The following ARHGEF4 variants were observed in gnomAD, a reference collection of about 807,000 sequenced individuals.
ARHGEF4 encodes Rho guanine nucleotide exchange factor 4, also known as APC-stimulated guanine nucleotide exchange factor 1.
In ARHGEF4, 119 loss-of-function variants were observed where a neutral mutation model predicts 162.0. That is an observed-to-expected ratio of 0.73 (90% CI 0.63 to 0.86). The LOEUF is 0.86. ARHGEF4 is among the 40% of genes least tolerant of loss of function. The pLI, the probability that ARHGEF4 is intolerant of heterozygous loss-of-function variation, is 0.00. For missense variants in ARHGEF4, 2,488 were observed against 2,456.0 expected, an observed-to-expected ratio of 1.01 and a Z score of -0.28; for synonymous variants, 1,014 against 979.9, an observed-to-expected ratio of 1.03 and a Z score of -0.65.
intron 10 of ARHGEF4, 43 bp downstream of exon 10, chr2:131,041,987 C>T (rs762334618): frequency 6.3e-7 from 1 of 1,593,170 alleles, no homozygotes; most frequent in Non-Finnish European, 8.6e-7. Flanking sequence ...GGTCTTGGCC[C>T]CTCGCTTTAA....
intron 4 of ARHGEF4, among the ~76,000 whole-genome samples, chr2:130,992,253 A>C (rs977220090): frequency 6.6e-6 from 1 of 152,312 alleles, no homozygotes; most frequent in South Asian, 2.1e-4. Context: ...AGAGAATAAA[A>C]GCAGGCTGCC....
intron 4 of ARHGEF4, among the ~76,000 whole-genome samples, chr2:130,990,744 C>G (rs1272169776): frequency 1.3e-5 from 2 of 152,058 alleles, no homozygotes; most frequent in Admixed American, 1.3e-4. Flanking sequence ...CCATGCAAGG[C>G]TTAGCGATGG....
rs186049238 is a variant in ARHGEF4, at chr2:130,939,249, T to C, written c.3859-7260T>C. Among the ~76,000 whole-genome samples, 9 of 152,384 alleles carry C rather than the reference T, an allele frequency of 5.9e-5. No individual in the cohort carries two copies. In the East Asian group the frequency reaches 1.3e-3, roughly 23 times the overall value. On this transcript the variant is annotated intron_variant, in intron 3 of 13. Coordinates refer to ENST00000409359, the MANE Select transcript of ARHGEF4 (RefSeq NM_001367493.1). ...AAGGAAATGATCTCATTCTTTCTTATGGCTGCATAAGTTGTGGGATTTAGG... is the reference window on the plus strand; with the variant it reads ...AAGGAAATGATCTCATTCTTTCTTACGGCTGCATAAGTTGTGGGATTTAGG...
chr2:131,042,711 T>G (rs1690912273), intron 10 of ARHGEF4, among the ~76,000 whole-genome samples: 1 of 152,178 alleles, frequency 6.6e-6, no homozygotes. Flanking sequence ...TAGGGGCAGT[T>G]GTGAGGCCCA....
intron 4 of ARHGEF4, among the ~76,000 whole-genome samples, chr2:130,992,571 C>G (rs184774382): frequency 9.2e-5 from 14 of 151,998 alleles, no homozygotes; most frequent in Non-Finnish European, 1.5e-4. Flanking sequence ...GAAGAAACTC[C>G]GAACCTATCC....
At chr2:131,043,340 G>A in intron 10 of ARHGEF4, 112 bp from the exon 11 acceptor site, 1 of 1,444,408 alleles carries the variant, frequency 6.9e-7, no homozygotes, top group Non-Finnish European at 9.5e-7. Context: ...TGGCCAGGTG[G>A]GCGCTGCAGG....
At chr2:130,869,640 A>T (rs1678323293) in intron 1 of ARHGEF4, among the ~76,000 whole-genome samples, 1 of 152,218 alleles carries the variant, frequency 6.6e-6, no homozygotes, top group Non-Finnish European at 1.5e-5. Flanking sequence ...TGACCTCTGC[A>T]GTTAGAGAGA....
chr2:130,990,834 A>C (rs1334309342), intron 4 of ARHGEF4, among the ~76,000 whole-genome samples: 1 of 151,994 alleles, frequency 6.6e-6, no homozygotes, highest in Non-Finnish European at 1.5e-5. Context: ...AATTCTTACT[A>C]TCTTTGAATT....
chr2:130,910,714 C>T (rs895631616), intron 1 of ARHGEF4, among the ~76,000 whole-genome samples: 1 of 152,130 alleles, frequency 6.6e-6, no homozygotes, highest in African/African-American at 2.4e-5. Context: ...GGGACATCTC[C>T]AAAGTAGGAC....
rs141575555 is a variant in ARHGEF4, at chr2:130,942,846, A to T, written c.3859-3663A>T. 7.5e-4 allele frequency among the ~76,000 whole-genome samples: 114 copies of T among 152,290 alleles called. No individual in the cohort carries two copies. In the East Asian group the frequency reaches 0.017, roughly 23 times the overall value. On this transcript the variant is annotated intron_variant, in intron 3 of 13. Transcript: ENST00000409359. ...CAAACTTTTTTAAAATTTCATTATT[A>T]TGATTATCACCAAGGATATAGCCTC...
intron 1 of ARHGEF4, among the ~76,000 whole-genome samples, chr2:130,898,130 C>T (rs1680268248): frequency 6.6e-6 from 1 of 152,242 alleles, no homozygotes; most frequent in Admixed American, 6.5e-5. Flanking sequence ...ATGTTATCCA[C>T]ATTTCCTCCC....
chr2:130,842,736 T>G (rs1446971527), intron 1 of ARHGEF4, among the ~76,000 whole-genome samples: 1 of 152,208 alleles, frequency 6.6e-6, no homozygotes, highest in African/African-American at 2.4e-5. Context: ...AAATCCGCAG[T>G]CCCAGCTCTC....
At chr2:130,969,190 G>A (rs928823914) in intron 4 of ARHGEF4, among the ~76,000 whole-genome samples, 2 of 152,144 alleles carry the variant, frequency 1.3e-5, no homozygotes, top group Non-Finnish European at 2.9e-5. Context: ...ATAATAAAGT[G>A]TTGAATATCA....
intron 1 of ARHGEF4, among the ~76,000 whole-genome samples, chr2:130,906,965 A>C (rs1680849470): frequency 6.6e-6 from 1 of 152,170 alleles, no homozygotes; most frequent in South Asian, 2.1e-4. Flanking sequence ...AATTTATATC[A>C]CAGAGCGGTT....
chr2:130,923,877 TTTC>T (rs1184222271), intron 2 of ARHGEF4, among the ~76,000 whole-genome samples: 1 of 68,622 alleles, frequency 1.5e-5, no homozygotes, highest in Non-Finnish European at 3.9e-5. Flanking sequence ...CTTTTATTCT[TTTC>T]TTTTCTTTTT....
chr2:131,023,465 A>G lies in ARHGEF4; in HGVS notation c.3986-4480A>G, dbSNP rs1270155946. ...ATAGGCAAAAGACATAAAGAGATATATCACCAAAGAGGATATATGGCAAGT... is the reference window on the plus strand; with the variant it reads ...ATAGGCAAAAGACATAAAGAGATATGTCACCAAAGAGGATATATGGCAAGT... On this transcript the variant is annotated intron_variant, in intron 4 of 13. Transcript: ENST00000409359. Among the ~76,000 whole-genome samples the G allele has an allele frequency of 3.3e-5, 5 of 152,186 alleles. No individual in the cohort carries two copies. In the East Asian group the frequency reaches 5.8e-4, roughly 18 times the overall value.
At position 131,034,965 on chromosome 2, in the gene ARHGEF4, C is replaced by G. The variant is rs1296538367; in HGVS notation, c.4126-3888C>G. On this transcript the variant is annotated intron_variant, in intron 5 of 13. Coordinates refer to ENST00000409359, the MANE Select transcript of ARHGEF4 (RefSeq NM_001367493.1). The stretch of plus-strand genomic sequence containing the variant: ...CTGGGAGGCGCCGCGCGCACGGCGC[C>G]GGCTTCGCGGGAGGAGCCCCAGGCC... The G allele has an allele frequency of 3.1e-6, 3 of 983,310 alleles. No homozygotes were observed. In the African/African-American group the frequency reaches 5.3e-5, roughly 17 times the overall value. The allele number at this position is 983,310 out of a possible 1,614,324, so 60.9% of individuals were successfully genotyped here.
In ARHGEF4 at chr2:131,047,108, G is replaced by A; in HGVS notation, c.*919G>A. The A allele has an allele frequency of 6.6e-6, 1 of 152,614 alleles. No individual in the cohort carries two copies. The allele number at this position is 152,614 out of a possible 1,614,324, so 9.5% of individuals were successfully genotyped here. On this transcript the variant is annotated 3_prime_UTR_variant, in exon 14 of 14. Transcript: ENST00000409359. ...GTGTGTGGAGATGGCGCCCTGTCCT[G>A]CCAAGGGGCGCCAGGAGCAGAGCCA...
chr2:130,988,102 C>G (rs1244458980), intron 4 of ARHGEF4, among the ~76,000 whole-genome samples: 1 of 152,204 alleles, frequency 6.6e-6, no homozygotes, highest in Non-Finnish European at 1.5e-5. Context: ...CAGTAAAATG[C>G]TCAATACATT....
Sources: gnomAD v4.1 joint callset for allele counts (sites outside exome capture counted in the v4.1 genomes callset) on GRCh38, gnomAD v4.1.1 for gene constraint, MANE v1.5 for transcripts, NCBI Gene and HGNC (gene_info 2026-07-23, HGNC 2026-07-21) for gene names.